The following OLA1 variants were observed in gnomAD, a reference collection of about 807,000 sequenced individuals.
OLA1 encodes the protein obg-like ATPase 1.
OLA1 carries 14 observed loss-of-function variants against 48.4 expected under a neutral mutation model. The ratio of observed to expected loss-of-function variants is 0.29; its 90% CI spans 0.19 to 0.45. The LOEUF (loss-of-function observed/expected upper bound fraction) is 0.45, where lower values mean the gene tolerates loss of function less well. Among genes scored for constraint, OLA1 ranks in the 20% least tolerant of loss-of-function variants. The pLI is 1.00. For missense variants in OLA1, 325 were observed against 467.1 expected (o/e 0.70, Z 2.80); for synonymous variants, 127 against 150.4 (o/e 0.84, Z 1.14).
intron 4 of OLA1, among the ~76,000 whole-genome samples, chr2:174,204,315 G>C (rs577371218): frequency 1.3e-5 from 2 of 152,044 alleles, no homozygotes; most frequent in East Asian, 3.9e-4. Flanking sequence ...GCAGGAGAAT[G>C]GCATGAACCC....
intron 4 of OLA1, 148 bp downstream of exon 4, chr2:174,222,885 T>G: frequency 2.6e-6 from 2 of 756,678 alleles, no homozygotes; most frequent in Non-Finnish European, 4.2e-6. Context: ...TAAGTAACAT[T>G]AAAGTCACAG....
intron 4 of OLA1, among the ~76,000 whole-genome samples, chr2:174,196,859 TATA>T (rs1479964897): frequency 6.6e-6 from 1 of 152,160 alleles, no homozygotes; most frequent in Non-Finnish European, 1.5e-5. Context: ...AATAGGGAAA[TATA>T]ATATTCTCAA....
intron 4 of OLA1, among the ~76,000 whole-genome samples, chr2:174,186,883 A>T (rs1448334169): frequency 6.6e-6 from 1 of 152,186 alleles, no homozygotes; most frequent in Non-Finnish European, 1.5e-5. Context: ...ACCATATAAG[A>T]CATGAAGAAA....
chr2:174,219,278 TA>T (rs751305223), intron 4 of OLA1, among the ~76,000 whole-genome samples: 797 of 135,426 alleles, frequency 5.9e-3, no homozygotes, highest in African/African-American at 0.01. Context: ...CCTGACTCTT[TA>T]AAAAAAAAAA....
chr2:174,132,404 T>G lies in OLA1; in HGVS notation c.550-8729A>C, dbSNP rs574890592. On this transcript the variant is annotated intron_variant, in intron 5 of 10. Transcript: ENST00000284719. Reference sequence around the variant, plus strand: ...TCTAATTTCTCTGGGTTCCTTTTATTGTTCTTTTTCTAACTCCTTCATAAG... The same window carrying G: ...TCTAATTTCTCTGGGTTCCTTTTATGGTTCTTTTTCTAACTCCTTCATAAG... 7.2e-5 allele frequency among the ~76,000 whole-genome samples: 11 copies of G among 152,270 alleles called. No homozygotes were observed. The East Asian group carries it at 1.9e-3, about 27-fold the overall frequency.
intron 7 of OLA1, among the ~76,000 whole-genome samples, chr2:174,120,600 A>G (rs960144225): frequency 2.0e-5 from 3 of 152,218 alleles, no homozygotes; most frequent in Non-Finnish European, 4.4e-5. Context: ...GACTAATTCA[A>G]TGACTAATGC....
At chr2:174,238,117 C>G (rs1688902499) in intron 2 of OLA1, among the ~76,000 whole-genome samples, 1 of 152,144 alleles carries the variant, frequency 6.6e-6, no homozygotes, top group African/African-American at 2.4e-5. Context: ...TAACTGTTAA[C>G]CTAGAATTCT....
At chr2:174,218,211 G>A (rs1688410140) in intron 4 of OLA1, among the ~76,000 whole-genome samples, 1 of 151,806 alleles carries the variant, frequency 6.6e-6, no homozygotes, top group Non-Finnish European at 1.5e-5. Flanking sequence ...TATCAATGAA[G>A]AACCAATATT....
intron 5 of OLA1, among the ~76,000 whole-genome samples, chr2:174,134,544 T>G (rs911840315): frequency 3.3e-5 from 5 of 152,212 alleles, no homozygotes; most frequent in Non-Finnish European, 7.4e-5. Flanking sequence ...ATTATTGTCA[T>G]GTATTTTAAC....
At chr2:174,174,457 T>G (rs945059017) in intron 4 of OLA1, among the ~76,000 whole-genome samples, 1 of 152,022 alleles carries the variant, frequency 6.6e-6, no homozygotes, top group African/African-American at 2.4e-5. Flanking sequence ...GAAATTCATT[T>G]GACAAAATTC....
intron 4 of OLA1, among the ~76,000 whole-genome samples, chr2:174,154,998 T>C (rs1574514339): frequency 6.6e-6 from 1 of 152,188 alleles, no homozygotes; most frequent in East Asian, 1.9e-4. Context: ...CTTACATATC[T>C]TTCATGGCCT....
chr2:174,123,758 A>T, intron 5 of OLA1, 83 bp from the exon 6 acceptor site: 2 of 594,572 alleles, frequency 3.4e-6, no homozygotes, highest in Non-Finnish European at 5.4e-6. Context: ...TCAAATTTTC[A>T]AAATAAAAAT....
At chr2:174,100,068 G>A (rs1394873571) in intron 7 of OLA1, among the ~76,000 whole-genome samples, 1 of 152,180 alleles carries the variant, frequency 6.6e-6, no homozygotes, top group Non-Finnish European at 1.5e-5. Context: ...AGTGTTTAAT[G>A]TATCTTATTT....
intron 7 of OLA1, among the ~76,000 whole-genome samples, chr2:174,105,591 T>A (rs557429784): frequency 6.6e-6 from 1 of 152,102 alleles, no homozygotes; most frequent in Non-Finnish European, 1.5e-5. Context: ...CTGAAAATCT[T>A]CACTGACAGA....
At chr2:174,097,088 G>A (rs182145064) in intron 7 of OLA1, among the ~76,000 whole-genome samples, 7 of 152,232 alleles carry the variant, frequency 4.6e-5, no homozygotes, top group Admixed American at 3.3e-4. Context: ...ACCGGAAAGC[G>A]AAGGTTGCAG....
chr2:174,081,818 A>T, intron 8 of OLA1, 106 bp downstream of exon 8: 1 of 1,086,694 alleles, frequency 9.2e-7, no homozygotes, highest in Non-Finnish European at 1.3e-6. Context: ...TTCCCTCTTT[A>T]TAATGGTAAT....
chr2:174,244,786 G>A (rs796840118), intron 2 of OLA1, among the ~76,000 whole-genome samples: 6 of 151,894 alleles, frequency 4.0e-5, no homozygotes, highest in African/African-American at 1.2e-4. Flanking sequence ...CACCATGTCC[G>A]GCTAATTTTT....
chr2:174,123,284 T>C lies in OLA1; in HGVS notation c.631-7A>G, dbSNP rs770853004. The C allele has an allele frequency of 7.4e-7, 1 of 1,346,250 alleles. No individual in the cohort carries two copies. The highest frequency in any genetic ancestry group is 1.0e-6 in the Non-Finnish European group (1 of 967,056). The allele number at this position is 1,346,250 out of a possible 1,614,324, so 83.4% of individuals were successfully genotyped here. ...GTTTATTCAACACTTCAATCTAAAG[T>C]GGGAGATGGAGAAAGAATCCCTTTT... On this transcript the variant is annotated splice_region_variant and splice_polypyrimidine_tract_variant and intron_variant, in intron 6 of 10. Transcript: ENST00000284719.
At chr2:174,219,189 T>A (rs1315762119) in intron 4 of OLA1, among the ~76,000 whole-genome samples, 2 of 150,448 alleles carry the variant, frequency 1.3e-5, no homozygotes, top group Non-Finnish European at 2.9e-5. Context: ...ATGACTGTAA[T>A]CCCAGCACTT....
Sources: allele counts gnomAD v4.1 joint callset (sites outside exome capture counted in the v4.1 genomes callset), GRCh38; gene constraint gnomAD v4.1.1; transcripts MANE v1.5; gene names NCBI Gene and HGNC (gene_info 2026-07-23, HGNC 2026-07-21).